The following MAGI1 variants were observed in gnomAD, a reference collection of about 807,000 sequenced individuals.
The protein encoded by MAGI1 is membrane-associated guanylate kinase, WW and PDZ domain-containing protein 1.
A neutral mutation model predicts 139.9 loss-of-function variants in MAGI1; 58 were observed. The observed-to-expected ratio is 0.41, with a 90% confidence interval of 0.34 to 0.52. The LOEUF is 0.52. MAGI1 is among the 20% of genes least tolerant of loss of function. The pLI is 0.12. For synonymous variants in MAGI1, 812 were observed against 737.9 expected (o/e 1.10, Z -1.63); for missense variants, 1,874 against 1,901.6 (o/e 0.99, Z 0.27).
chr3:65,671,599 T>C (rs981225972), intron 1 of MAGI1, among the ~76,000 whole-genome samples: 1 of 152,232 alleles, frequency 6.6e-6, no homozygotes, highest in Non-Finnish European at 1.5e-5. Flanking sequence ...GTCTTATCAC[T>C]GATTCAGAGA....
intron 1 of MAGI1, among the ~76,000 whole-genome samples, chr3:65,829,683 A>G (rs1375709726): frequency 6.6e-6 from 1 of 152,248 alleles, no homozygotes; most frequent in Non-Finnish European, 1.5e-5. Context: ...TTTAATAAGC[A>G]TGAGAGTTGT....
At chr3:65,478,250 A>AC (rs374037157) in intron 4 of MAGI1, among the ~76,000 whole-genome samples, 392 of 150,770 alleles carry the variant, frequency 2.6e-3, no homozygotes, top group Middle Eastern at 3.4e-3. Flanking sequence ...GCTGCAAGTT[A>AC]CCCCCCCCAA....
intron 13 of MAGI1, among the ~76,000 whole-genome samples, chr3:65,398,802 T>C (rs1944618250): frequency 6.6e-6 from 1 of 152,126 alleles, no homozygotes; most frequent in Non-Finnish European, 1.5e-5. Context: ...AGGTATTAAA[T>C]TAATAAATTT....
At chr3:65,670,790 T>G (rs1052344723) in intron 1 of MAGI1, among the ~76,000 whole-genome samples, 2 of 152,124 alleles carry the variant, frequency 1.3e-5, no homozygotes, top group Admixed American at 1.3e-4. Flanking sequence ...AATTTGCTAC[T>G]TATCACTCTT....
At chr3:65,950,073 AAAAAC>A (rs2063741006) in intron 1 of MAGI1, among the ~76,000 whole-genome samples, 6 of 95,820 alleles carry the variant, frequency 6.3e-5, no homozygotes, top group South Asian at 3.2e-4. Flanking sequence ...AAAACAAAAA[AAAAAC>A]AAAAAAAAAA....
At chr3:66,037,003 A>G (rs910303292) in intron 1 of MAGI1, among the ~76,000 whole-genome samples, 1 of 151,570 alleles carries the variant, frequency 6.6e-6, no homozygotes, top group East Asian at 1.9e-4. Context: ...ATTTGCTTCC[A>G]CTCCCTCCTC....
At chr3:65,519,404 T>G (rs1454858795) in intron 2 of MAGI1, among the ~76,000 whole-genome samples, 6 of 151,288 alleles carry the variant, frequency 4.0e-5, no homozygotes, top group African/African-American at 7.3e-5. Context: ...AATTTTTTTT[T>G]GGATGGAGTC....
intron 1 of MAGI1, among the ~76,000 whole-genome samples, chr3:65,811,596 C>T (rs984068554): frequency 2.6e-5 from 4 of 151,832 alleles, no homozygotes; most frequent in African/African-American, 9.7e-5. Context: ...CCTGAAACTG[C>T]AGAACGAGCT....
intron 1 of MAGI1, among the ~76,000 whole-genome samples, chr3:66,027,755 G>T (rs972525925): frequency 2.0e-5 from 3 of 152,102 alleles, no homozygotes; most frequent in Non-Finnish European, 4.4e-5. Context: ...CCTGTAGAGG[G>T]GCTTTCTCAA....
intron 1 of MAGI1, among the ~76,000 whole-genome samples, chr3:65,635,152 C>T (rs1380536837): frequency 2.6e-5 from 4 of 152,138 alleles, no homozygotes; most frequent in Non-Finnish European, 4.4e-5. Flanking sequence ...GCAACCTCCA[C>T]CTCCCAGGTC....
intron 1 of MAGI1, among the ~76,000 whole-genome samples, chr3:65,635,255 G>C (rs924614303): frequency 6.6e-6 from 1 of 151,880 alleles, no homozygotes; most frequent in Non-Finnish European, 1.5e-5. Context: ...AGTAGAGATG[G>C]GATTTCACCA....
intron 2 of MAGI1, among the ~76,000 whole-genome samples, chr3:65,580,781 T>G (rs921125048): frequency 1.3e-5 from 2 of 152,232 alleles, no homozygotes; most frequent in Non-Finnish European, 2.9e-5. Context: ...CAGATTTTTT[T>G]GTCAGTTGTT....
At chr3:65,913,053 C>T (rs903444737) in intron 1 of MAGI1, among the ~76,000 whole-genome samples, 6 of 152,138 alleles carry the variant, frequency 3.9e-5, no homozygotes, top group Non-Finnish European at 7.4e-5. Context: ...AGGCAGATCA[C>T]TTGAGGTCAG....
intron 2 of MAGI1, among the ~76,000 whole-genome samples, chr3:65,607,742 T>A (rs1357840661): frequency 6.6e-6 from 1 of 152,172 alleles, no homozygotes; most frequent in Non-Finnish European, 1.5e-5. Context: ...TTTGTTCCCA[T>A]CACAAGAAAA....
chr3:65,924,693 G>T (rs185499793), intron 1 of MAGI1, among the ~76,000 whole-genome samples: 1 of 152,060 alleles, frequency 6.6e-6, no homozygotes, highest in Admixed American at 6.6e-5. Flanking sequence ...GGTCAGATTC[G>T]GTTAGGAAAC....
chr3:65,803,794 G>T (rs762141280), intron 1 of MAGI1, among the ~76,000 whole-genome samples: 1 of 152,118 alleles, frequency 6.6e-6, no homozygotes. Flanking sequence ...GTGAGAACAT[G>T]CAGTATTGGT....
At chr3:65,752,888 T>C (rs2036265314) in intron 1 of MAGI1, among the ~76,000 whole-genome samples, 1 of 152,148 alleles carries the variant, frequency 6.6e-6, no homozygotes, top group Non-Finnish European at 1.5e-5. Context: ...CTCTTAGTCA[T>C]TTTCCACCCA....
intron 1 of MAGI1, among the ~76,000 whole-genome samples, chr3:65,671,204 A>G (rs2086836820): frequency 6.6e-6 from 1 of 152,222 alleles, no homozygotes; most frequent in Admixed American, 6.5e-5. Flanking sequence ...GGTAAGAGCT[A>G]AAATTTGAAC....
At chr3:65,441,571 T>C (rs1008591674) in intron 8 of MAGI1, among the ~76,000 whole-genome samples, 1 of 152,188 alleles carries the variant, frequency 6.6e-6, no homozygotes, top group Non-Finnish European at 1.5e-5. Context: ...ATAAAAGCTT[T>C]TGTCATCTGT....
Sources: allele counts gnomAD v4.1 joint callset (sites outside exome capture counted in the v4.1 genomes callset), GRCh38; gene constraint gnomAD v4.1.1; transcripts MANE v1.5; gene names NCBI Gene and HGNC (gene_info 2026-07-23, HGNC 2026-07-21).